SNRNP40: variants seen among roughly 807,000 people sequenced by gnomAD.
The protein encoded by SNRNP40 is small nuclear ribonucleoprotein U5 subunit 40.
Under a neutral mutation model 45.8 loss-of-function variants are expected in SNRNP40, and 21 were observed. That is an observed-to-expected ratio of 0.46 (90% CI 0.32 to 0.66). SNRNP40 has a LOEUF of 0.66. Ranked by LOEUF, SNRNP40 falls within the 30% of genes least tolerant of loss-of-function variation. The pLI is 0.03. For synonymous variants in SNRNP40, 142 were observed against 163.8 expected (o/e 0.87, Z 1.01); for missense variants, 344 against 439.1 (o/e 0.78, Z 1.94).
intron 8 of SNRNP40, among the ~76,000 whole-genome samples, chr1:31,265,189 A>G (rs1340660123): frequency 2.0e-5 from 3 of 152,022 alleles, no homozygotes; most frequent in Non-Finnish European, 4.4e-5. Context: ...CAGTGGCATG[A>G]TTGCAGCTCA....
intron 8 of SNRNP40, chr1:31,263,555 T>C: frequency 6.7e-6 from 3 of 449,814 alleles, no homozygotes; most frequent in Middle Eastern, 6.3e-4. Context: ...ATGATGACTT[T>C]ATAGCCTTAT....
In SNRNP40 at chr1:31,267,858, C is replaced by T. The variant is rs199838651; in HGVS notation, c.920+13G>A. On this transcript the variant is annotated intron_variant, in intron 8 of 9. Coordinates refer to ENST00000263694, the MANE Select transcript of SNRNP40 (RefSeq NM_004814.3). ...GCTACATCATTCTTTACTTTGCACCCACTAATCCTTACCTGTCGGCTGAGC... is the reference window on the plus strand; with the variant it reads ...GCTACATCATTCTTTACTTTGCACCTACTAATCCTTACCTGTCGGCTGAGC... The T allele has an allele frequency of 1.2e-4, 191 of 1,605,690 alleles. No homozygotes were observed. The highest frequency in any genetic ancestry group is 4.0e-5 in the African/African-American group (3 of 74,770).
chr1:31,278,117 C>G (rs1295838535), intron 5 of SNRNP40, among the ~76,000 whole-genome samples: 2 of 152,202 alleles, frequency 1.3e-5, no homozygotes, highest in Non-Finnish European at 2.9e-5. Context: ...TTATTGATCT[C>G]TTCTTTGCCC....
At position 31,296,729 on chromosome 1, in the gene SNRNP40, T is replaced by C; in HGVS notation, c.23A>G (p.Lys8Arg). 6.2e-7 allele frequency: 1 copy of C among 1,611,866 alleles called. No individual in the cohort carries two copies. Among genetic ancestry groups the C allele is most frequent in the Non-Finnish European group, 8.5e-7 (1 of 1,179,068 alleles). Residue 8 changes from lysine to arginine, a missense_variant, in exon 1 of 10, where the codon AAG (lysine) becomes AGG (arginine). Coordinates refer to ENST00000263694, the MANE Select transcript of SNRNP40 (RefSeq NM_004814.3). ...TGGAACCAGCGGCAACTCTGGGCCC[T>C]TACGCTTCTGCTGTTCTATCATGGC... is the stretch of plus-strand genomic sequence containing the variant. MIEQQKR[K>R]GPELPLVPVK...
chr1:31,261,740 A>G, intron 8 of SNRNP40, 108 bp from the exon 9 acceptor site: 1 of 666,842 alleles, frequency 1.5e-6, no homozygotes, highest in African/African-American at 1.8e-5. Flanking sequence ...CTTACCTTAC[A>G]TTTACTGAAC....
intron 4 of SNRNP40, among the ~76,000 whole-genome samples, chr1:31,285,673 T>C (rs928901213): frequency 6.6e-6 from 1 of 152,208 alleles, no homozygotes; most frequent in Non-Finnish European, 1.5e-5. Context: ...TTACCAGTTA[T>C]CCCAAATGTC....
intron 8 of SNRNP40, among the ~76,000 whole-genome samples, chr1:31,264,202 C>T (rs1645880957): frequency 6.6e-6 from 1 of 152,104 alleles, no homozygotes; most frequent in East Asian, 1.9e-4. Flanking sequence ...TGCAAATAAA[C>T]AAGAGCTTCT....
At chr1:31,267,510 A>G (rs1645907216) in intron 8 of SNRNP40, among the ~76,000 whole-genome samples, 1 of 152,138 alleles carries the variant, frequency 6.6e-6, no homozygotes, top group South Asian at 2.1e-4. Context: ...ATAAAACACA[A>G]GAAGACATCC....
intron 6 of SNRNP40, chr1:31,269,449 C>T (rs1324248400): frequency 8.1e-7 from 1 of 1,237,726 alleles, no homozygotes; most frequent in East Asian, 2.9e-5. Context: ...CTGGGGCTAG[C>T]TGAGGGGGCA....
At chr1:31,278,192 C>A (rs1257772746) in intron 5 of SNRNP40, among the ~76,000 whole-genome samples, 5 of 152,104 alleles carry the variant, frequency 3.3e-5, no homozygotes, top group Non-Finnish European at 7.4e-5. Context: ...AGGCTAGCTT[C>A]TTTTATTTAA....
chr1:31,294,037 C>A (rs1399219531), intron 1 of SNRNP40, among the ~76,000 whole-genome samples: 1 of 151,958 alleles, frequency 6.6e-6, no homozygotes, highest in African/African-American at 2.4e-5. Flanking sequence ...CGGCTCACTG[C>A]AACCTATGCT....
At chr1:31,273,910 T>C in intron 5 of SNRNP40, among the ~76,000 whole-genome samples, 1 of 152,098 alleles carries the variant, frequency 6.6e-6, no homozygotes, top group East Asian at 1.9e-4. Context: ...AAGGGAAGCT[T>C]TCACAGAAAA....
At chr1:31,274,383 C>G (rs185578388) in intron 5 of SNRNP40, among the ~76,000 whole-genome samples, 9 of 151,856 alleles carry the variant, frequency 5.9e-5, no homozygotes, top group African/African-American at 1.9e-4. Context: ...ACTACAGGCG[C>G]GCACCACCAC....
intron 4 of SNRNP40, among the ~76,000 whole-genome samples, chr1:31,288,959 T>C (rs1449606183): frequency 2.6e-5 from 4 of 152,166 alleles, no homozygotes; most frequent in Non-Finnish European, 5.9e-5. Context: ...TCTTGATCTC[T>C]TGACCTCGTG....
intron 1 of SNRNP40, among the ~76,000 whole-genome samples, chr1:31,295,342 C>CA (rs905370276): frequency 1.7e-4 from 17 of 102,814 alleles, no homozygotes; most frequent in East Asian, 1.4e-3. Context: ...TGTCTAAAAA[C>CA]AAAAAAACAA....
At chr1:31,280,200 C>T (rs1177597128) in intron 5 of SNRNP40, among the ~76,000 whole-genome samples, 5 of 148,444 alleles carry the variant, frequency 3.4e-5, no homozygotes, top group Admixed American at 1.3e-4. Context: ...AGTCTTGCTC[C>T]GTGGCCAGGC....
At position 31,260,252 on chromosome 1, in the gene SNRNP40, C is replaced by T. The variant is rs182367365; in HGVS notation, c.1025-131G>A. 50 of 578,270 alleles carry T rather than the reference C, an allele frequency of 8.6e-5. No individual in the cohort carries two copies. The African/African-American group carries it at 9.0e-4, about 10-fold the overall frequency. The allele number at this position is 578,270 out of a possible 1,614,324, so 35.8% of individuals were successfully genotyped here. On this transcript the variant is annotated intron_variant, in intron 9 of 9. Coordinates refer to ENST00000263694, the MANE Select transcript of SNRNP40 (RefSeq NM_004814.3). ...ACTTAGCTTAAATTCCCCTCCTAAA[C>T]ACCATCCACAGGAAATTGTAGCCTG...
At chr1:31,288,769 C>T (rs1044329881) in intron 4 of SNRNP40, among the ~76,000 whole-genome samples, 2 of 151,720 alleles carry the variant, frequency 1.3e-5, no homozygotes, top group South Asian at 2.1e-4. Flanking sequence ...GACAGAGTCT[C>T]GCTCTGTCGC....
chr1:31,283,186 CTTG>C (rs1032367901), intron 4 of SNRNP40, among the ~76,000 whole-genome samples: 51 of 152,300 alleles, frequency 3.3e-4, no homozygotes, highest in African/African-American at 9.9e-4. Context: ...AATTTTTGTT[CTTG>C]TTGTTGTAGG....
Sources: gnomAD v4.1 joint callset for allele counts (sites outside exome capture counted in the v4.1 genomes callset) on GRCh38, gnomAD v4.1.1 for gene constraint, MANE v1.5 for transcripts, NCBI Gene and HGNC (gene_info 2026-07-23, HGNC 2026-07-21) for gene names.